GAS2: variants seen among roughly 807,000 people sequenced by gnomAD.
GAS2 encodes growth arrest-specific protein 2.
Under a neutral mutation model 37.5 loss-of-function variants are expected in GAS2, and 20 were observed. That is an observed-to-expected ratio of 0.53 (90% CI 0.37 to 0.77). The LOEUF (loss-of-function observed/expected upper bound fraction) is 0.77. Among genes scored for constraint, GAS2 ranks in the 30% least tolerant of loss-of-function variants. GAS2 has a pLI of 0.00. For synonymous variants in GAS2, 144 were observed against 132.2 expected (o/e 1.09, Z -0.61); for missense variants, 336 against 373.4 (o/e 0.90, Z 0.82).
At chr11:22,692,640 A>G (rs1000370656) in intron 3 of GAS2, among the ~76,000 whole-genome samples, 3 of 152,182 alleles carry the variant, frequency 2.0e-5, no homozygotes, top group African/African-American at 7.2e-5. Flanking sequence ...TATCTCAGCC[A>G]TCAGAGGTAT....
chr11:22,763,270 C>T (rs549578708), intron 7 of GAS2, among the ~76,000 whole-genome samples: 6 of 152,214 alleles, frequency 3.9e-5, no homozygotes, highest in African/African-American at 1.4e-4. Context: ...AAAATCAACT[C>T]TCTGAAACAA....
intron 4 of GAS2, among the ~76,000 whole-genome samples, chr11:22,733,782 T>G (rs1852606183): frequency 6.6e-6 from 1 of 151,726 alleles, no homozygotes; most frequent in Admixed American, 6.6e-5. Flanking sequence ...GAAATGCTTT[T>G]GATTATTTAA....
At chr11:22,783,461 T>C (rs1855667565) in intron 7 of GAS2, among the ~76,000 whole-genome samples, 1 of 152,214 alleles carries the variant, frequency 6.6e-6, no homozygotes, top group East Asian at 1.9e-4. Flanking sequence ...GTTCCACTTA[T>C]CAATTTTCGC....
At chr11:22,731,214 C>T (rs1027187101) in intron 4 of GAS2, 3 of 287,194 alleles carry the variant, frequency 1.0e-5, no homozygotes, top group Admixed American at 9.5e-5. Context: ...TTTATTTATA[C>T]ACATTCTGGT....
At chr11:22,697,274 G>C (rs1205796676) in intron 3 of GAS2, among the ~76,000 whole-genome samples, 2 of 151,942 alleles carry the variant, frequency 1.3e-5, no homozygotes, top group Non-Finnish European at 2.9e-5. Context: ...CGTTATTTCT[G>C]AGGGCTCTGT....
intron 7 of GAS2, among the ~76,000 whole-genome samples, chr11:22,809,187 A>G (rs1461177417): frequency 1.3e-5 from 2 of 152,218 alleles, no homozygotes; most frequent in East Asian, 1.9e-4. Context: ...AATCACTAAG[A>G]CAATGAGTAT....
At chr11:22,695,628 G>A (rs928678199) in intron 3 of GAS2, among the ~76,000 whole-genome samples, 1 of 152,148 alleles carries the variant, frequency 6.6e-6, no homozygotes, top group African/African-American at 2.4e-5. Context: ...GGAGCCAATA[G>A]CAAATGCAAG....
At chr11:22,688,958 A>G (rs1311193777) in intron 3 of GAS2, among the ~76,000 whole-genome samples, 1 of 152,206 alleles carries the variant, frequency 6.6e-6, no homozygotes, top group Non-Finnish European at 1.5e-5. Context: ...CCTTGCAGCC[A>G]TAAGAAACCA....
chr11:22,739,961 T>C (rs1473104717), intron 5 of GAS2, among the ~76,000 whole-genome samples: 2 of 152,054 alleles, frequency 1.3e-5, no homozygotes, highest in African/African-American at 4.8e-5. Context: ...TTTTATTTTA[T>C]ATATTGTTAT....
chr11:22,759,940 A>G (rs773445139), intron 7 of GAS2, among the ~76,000 whole-genome samples: 2 of 152,206 alleles, frequency 1.3e-5, no homozygotes, highest in East Asian at 1.9e-4. Flanking sequence ...CTTAGATGCA[A>G]TAATAATGTC....
intron 1 of GAS2, among the ~76,000 whole-genome samples, chr11:22,657,108 TG>T (rs1409159439): frequency 6.6e-6 from 1 of 152,178 alleles, no homozygotes; most frequent in African/African-American, 2.4e-5. Context: ...GAAAGCTAAG[TG>T]GTCAGTCTAA....
chr11:22,737,650 T>G, intron 4 of GAS2, 55 bp from the exon 5 acceptor site: 2 of 1,531,296 alleles, frequency 1.3e-6, no homozygotes, highest in Non-Finnish European at 1.8e-6. Context: ...GCCTGTGCTG[T>G]TGAGCTGCTT....
At position 22,669,302 on chromosome 11, in the gene GAS2, T is replaced by A. The variant is rs112860005; in HGVS notation, c.-21+2403T>A. ...CATTAGACTGTCAGATGGTTTTCTATTTTAATTATGTTCCAAGCTAATCTG... is the reference window on the plus strand; with the variant it reads ...CATTAGACTGTCAGATGGTTTTCTAATTTAATTATGTTCCAAGCTAATCTG... On this transcript the variant is annotated intron_variant, in intron 1 of 7. Transcript: ENST00000454584. Among the ~76,000 whole-genome samples the A allele has an allele frequency of 2.9e-3, 443 of 152,232 alleles. 1 individual carries two copies. Among genetic ancestry groups the A allele is most frequent in the African/African-American group, 0.01 (424 of 41,548 alleles).
intron 7 of GAS2, among the ~76,000 whole-genome samples, chr11:22,792,271 G>A (rs1856202785): frequency 6.6e-6 from 1 of 152,138 alleles, no homozygotes; most frequent in African/African-American, 2.4e-5. Context: ...ACAGTTGAAG[G>A]AAAAAAGACA....
chr11:22,673,667 G>A (rs1201379773), intron 1 of GAS2, among the ~76,000 whole-genome samples: 1 of 152,176 alleles, frequency 6.6e-6, no homozygotes, highest in East Asian at 1.9e-4. Flanking sequence ...AGCATTTTGG[G>A]AGGCCGAGGC....
chr11:22,703,704 A>G lies in GAS2; in HGVS notation c.267+17915A>G, dbSNP rs142043262. Among the ~76,000 whole-genome samples the G allele has an allele frequency of 2.2e-4, 33 of 152,252 alleles. No homozygotes were observed. The East Asian group carries it at 6.4e-3, about 29-fold the overall frequency. Reference sequence around the variant, plus strand: ...AGAGTAATGGAATAATGCTTTTTAGATGAGGTAACTGAGTTTACAATATAT... The same window carrying G: ...AGAGTAATGGAATAATGCTTTTTAGGTGAGGTAACTGAGTTTACAATATAT... On this transcript the variant is annotated intron_variant, in intron 3 of 7. Transcript: ENST00000454584.
intron 3 of GAS2, among the ~76,000 whole-genome samples, chr11:22,697,057 T>C (rs1410815028): frequency 6.6e-6 from 1 of 152,116 alleles, no homozygotes; most frequent in Non-Finnish European, 1.5e-5. Flanking sequence ...GGTTTTCTTC[T>C]AGGGTTTTTA....
intron 3 of GAS2, among the ~76,000 whole-genome samples, chr11:22,718,958 C>T (rs945389757): frequency 1.3e-5 from 2 of 152,036 alleles, no homozygotes; most frequent in African/African-American, 4.8e-5. Flanking sequence ...CCTATACTTT[C>T]CCCTTTGCGA....
chr11:22,718,348 A>T (rs1247437242), intron 3 of GAS2, among the ~76,000 whole-genome samples: 13 of 152,196 alleles, frequency 8.5e-5, no homozygotes, highest in African/African-American at 3.1e-4. Flanking sequence ...ATGGAATGAA[A>T]TAATGGCATT....
Sources: allele counts gnomAD v4.1 joint callset (sites outside exome capture counted in the v4.1 genomes callset), GRCh38; gene constraint gnomAD v4.1.1; transcripts MANE v1.5; gene names NCBI Gene and HGNC (gene_info 2026-07-23, HGNC 2026-07-21).